Variants in SPTBN5 observed in about 807,000 individuals in gnomAD.
The protein encoded by SPTBN5 is spectrin beta chain, non-erythrocytic 5.
Under a neutral mutation model 477.6 loss-of-function variants are expected in SPTBN5, and 513 were observed. The observed-to-expected ratio is 1.07, with a 90% CI of 1.00 to 1.16. The LOEUF (loss-of-function observed/expected upper bound fraction) is 1.16, where lower values mean the gene tolerates loss of function less well. Among genes scored for constraint, SPTBN5 ranks in the 50% most tolerant of loss-of-function variants. SPTBN5 has a pLI of 0.00. For synonymous variants in SPTBN5, 2,169 were observed against 2,011.7 expected (o/e 1.08, Z -2.09); for missense variants, 5,062 against 4,731.8 (o/e 1.07, Z -2.05).
chr15:41,855,892 A>T, intron 53 of SPTBN5, 147 bp from the exon 54 acceptor site: 1 of 816,198 alleles, frequency 1.2e-6, no homozygotes, highest in Non-Finnish European at 1.9e-6. Flanking sequence ...AAGCAGCCTC[A>T]TCTGGTCCGG....
At position 41,857,223 on chromosome 15, in the gene SPTBN5, C is replaced by T; in HGVS notation, c.8621+15G>A. The T allele has an allele frequency of 6.3e-7, 1 of 1,576,890 alleles. No individual in the cohort carries two copies. Among genetic ancestry groups the T allele is most frequent in the Non-Finnish European group, 8.6e-7 (1 of 1,158,914 alleles). ...GAAGGCAGGGAAGAGAAGCTGAGGG[C>T]ACGGGTGGATCTACCTCTGAAGCAG... On this transcript the variant is annotated intron_variant, in intron 51 of 67. Coordinates refer to ENST00000320955, the MANE Select transcript of SPTBN5 (RefSeq NM_016642.4).
chr15:41,854,630 A>G (rs1307182826), intron 56 of SPTBN5, among the ~76,000 whole-genome samples, 152 bp downstream of exon 56: 2 of 152,136 alleles, frequency 1.3e-5, no homozygotes, highest in East Asian at 1.9e-4. Context: ...AATTCCTGGA[A>G]GAAAGCTGAG....
chr15:41,870,101 C>G, intron 31 of SPTBN5, 81 bp from the exon 32 acceptor site: 3 of 1,450,644 alleles, frequency 2.1e-6, no homozygotes, highest in Non-Finnish European at 2.7e-6. Flanking sequence ...CCTGGGAACT[C>G]TGGCCCCCTT....
At chr15:41,876,039 T>C in intron 21 of SPTBN5, 75 bp downstream of exon 21, 4 of 1,526,234 alleles carry the variant, frequency 2.6e-6, no homozygotes, top group Non-Finnish European at 3.5e-6. Flanking sequence ...GACTCTTCCA[T>C]GAAAACAGGT....
rs370079673 is a variant in SPTBN5 at position 41,879,438 on chromosome 15, C to T, written c.3004G>A (p.Val1002Met). The change falls in exon 16 of 68, where the codon GTG becomes ATG. Residue 1002 changes from valine (V) to methionine (M), a missense_variant. Val to Met is a conservative substitution (Grantham distance 21). Coordinates refer to ENST00000320955, the MANE Select transcript of SPTBN5 (RefSeq NM_016642.4). ...CCACACTCCTGCAGAAAACTGCACA[C>T]TTCCACACTGTGTGCCAGCTGCACG... ...KAVQLAHSVE[V>M]CSFLQECGPT... is the part of the protein sequence containing the mutation. 157 of 1,608,230 alleles carry T rather than the reference C, an allele frequency of 9.8e-5. No individual in the cohort carries two copies. In the African/African-American group the frequency reaches 1.8e-3, roughly 19 times the overall value.
rs772783563 is a variant in SPTBN5, at chr15:41,862,638, C to A, written c.7286G>T (p.Arg2429Leu). ...TGCCTCGGGGCTTCTTTGGCAGAGG[C>A]GGCCCACTTCACGCTCTAGGGACTG... is the stretch of plus-strand genomic sequence containing the variant. The part of the protein sequence containing the change: ...QVESLEREVG[R>L]LCQRSPEAAH... The change falls in exon 43 of 68, where the codon CGC becomes CTC. Residue 2429 changes from arginine to leucine, a missense_variant. By Grantham distance (102) the Arg-to-Leu change is moderately radical (BLOSUM62 -2). Coordinates refer to ENST00000320955, the MANE Select transcript of SPTBN5 (RefSeq NM_016642.4). 6.4e-7 allele frequency: 1 copy of A among 1,554,724 alleles called. No homozygotes were observed.
At chr15:41,868,251 G>C (rs1289459271) in intron 33 of SPTBN5, 33 bp from the exon 34 acceptor site, 2 of 1,576,636 alleles carry the variant, frequency 1.3e-6, no homozygotes, top group Admixed American at 1.8e-5. Flanking sequence ...CCTCAGCTGG[G>C]GAGGGTGGTG....
In SPTBN5 at chr15:41,848,579, T is replaced by C; in HGVS notation, c.*37A>G. On this transcript the variant is annotated 3_prime_UTR_variant, in exon 68 of 68. Coordinates refer to ENST00000320955, the MANE Select transcript of SPTBN5 (RefSeq NM_016642.4). ...CTGGTCCCTTAGATGTGTCCTCGCT[T>C]GTGCCCCTGAAGTTTGGTGTTGCAC... 1 of 1,613,600 alleles carries C rather than the reference T, an allele frequency of 6.2e-7. No individual in the cohort carries two copies. The highest frequency in any genetic ancestry group is 8.5e-7 in the Non-Finnish European group (1 of 1,179,512).
At chr15:41,878,060 G>C (rs2066806670) in intron 17 of SPTBN5, among the ~76,000 whole-genome samples, 1 of 152,166 alleles carries the variant, frequency 6.6e-6, no homozygotes, top group South Asian at 2.1e-4. Flanking sequence ...CAATGCATCG[G>C]GCCCACCTGG....
At position 41,856,469 on chromosome 15, in the gene SPTBN5, C is replaced by A; in HGVS notation, c.8938G>T (p.Ala2980Ser). 14 of 1,597,338 alleles carry A rather than the reference C, an allele frequency of 8.8e-6. No individual in the cohort carries two copies. The highest frequency in any genetic ancestry group is 1.2e-5 in the Non-Finnish European group (14 of 1,173,296). The change falls in exon 53 of 68, where the codon GCC becomes TCC. Residue 2980 changes from alanine (A) to serine (S), a missense_variant. Ala to Ser is a moderately conservative substitution (Grantham distance 99, BLOSUM62 1). Coordinates refer to ENST00000320955, the MANE Select transcript of SPTBN5 (RefSeq NM_016642.4). ...GCCTCTGCCCGCAGGTGGGCCATGGCCTTCTCCAGCTGCTGCACCCGGGCG... is the reference window on the plus strand; with the variant it reads ...GCCTCTGCCCGCAGGTGGGCCATGGACTTCTCCAGCTGCTGCACCCGGGCG... The part of the protein sequence containing the change: ...VAARVQQLEK[A>S]MAHLRAEAAR...
In SPTBN5 at chr15:41,879,462, C is replaced by G; in HGVS notation, c.2980G>C (p.Val994Leu). 3 of 1,593,498 alleles carry G rather than the reference C, an allele frequency of 1.9e-6. No homozygotes were observed. Among genetic ancestry groups the G allele is most frequent in the Non-Finnish European group, 2.6e-6 (3 of 1,172,010 alleles). ...QLEALKREKA[V>L]QLAHSVEVCS... ...ACTTCCACACTGTGTGCCAGCTGCA[C>G]GGCCTTCTCCCTCTTCAGGGCCTCC... The change falls in exon 16 of 68, where the codon GTG becomes CTG. Residue 994 changes from valine (V) to leucine (L), a missense_variant. Val to Leu is a conservative substitution (Grantham distance 32). Transcript: ENST00000320955.
chr15:41,864,085 C>A, intron 39 of SPTBN5, 61 bp from the exon 40 acceptor site: 1 of 1,430,832 alleles, frequency 7.0e-7, no homozygotes. Flanking sequence ...TTCTTCCCAC[C>A]TCAGCAGGCA....
chr15:41,882,263 C>T lies in SPTBN5; in HGVS notation c.2247+6G>A, dbSNP rs1016816897. On this transcript the variant is annotated splice_donor_region_variant and intron_variant, in intron 11 of 67. Transcript: ENST00000320955. ...CCCCCACCCCGCCTCCACCCCTCCC[C>T]ACTACCTGCAGGACCAGCAGGGCTG... The T allele has an allele frequency of 6.8e-6, 10 of 1,472,828 alleles. No homozygotes were observed. The highest frequency in any genetic ancestry group is 5.2e-5 in the East Asian group (2 of 38,224). 91.2% of individuals were successfully genotyped at this position (1,472,828 alleles called of 1,614,324 possible). A position where few individuals can be genotyped will look rare whatever the true frequency, so the allele number is the denominator to read the frequency against.
intron 7 of SPTBN5, among the ~76,000 whole-genome samples, chr15:41,884,111 G>A (rs1464999668): frequency 2.0e-5 from 3 of 152,074 alleles, no homozygotes; most frequent in Admixed American, 1.3e-4. Flanking sequence ...TCAGCATCCC[G>A]AGTAGCTGGG....
chr15:41,862,050 A>C, intron 44 of SPTBN5, 80 bp downstream of exon 44: 1 of 1,497,598 alleles, frequency 6.7e-7, no homozygotes, highest in Admixed American at 2.3e-5. Flanking sequence ...CAGGAGGCCC[A>C]AGAGCAAGGA....
chr15:41,856,359 C>T, intron 53 of SPTBN5, 27 bp downstream of exon 53: 1 of 1,528,772 alleles, frequency 6.5e-7, no homozygotes, highest in East Asian at 2.4e-5. Flanking sequence ...GGCTTGCCTG[C>T]TGTGCCCTGC....
In SPTBN5 at chr15:41,862,120, G is replaced by A. The variant is rs777424076; in HGVS notation, c.7548+10C>T. ...AGCCTGGGAAAGGCTTGGGCCAGCT[G>A]CCCATTCACCTTGCACTCCTGATGC... On this transcript the variant is annotated intron_variant, in intron 44 of 67. Coordinates refer to ENST00000320955, the MANE Select transcript of SPTBN5 (RefSeq NM_016642.4). The A allele has an allele frequency of 1.2e-5, 19 of 1,554,026 alleles. No individual in the cohort carries two copies. Among genetic ancestry groups the A allele is most frequent in the Admixed American group, 9.5e-5 (5 of 52,828 alleles).
chr15:41,867,489 C>T, intron 35 of SPTBN5, 49 bp downstream of exon 35: 6 of 1,571,392 alleles, frequency 3.8e-6, no homozygotes, highest in East Asian at 2.2e-5. Flanking sequence ...TCAGGACTCT[C>T]TCCCAACCAC....
Position 41,870,571 on chromosome 15 carries a change from C to T in SPTBN5, c.5448-11G>A, listed in dbSNP as rs770648089. ...TCCGACCAGGCGGTCCTGCCCACGG[C>T]GTGTGGAAGACCAGCCGGGGATCAG... On this transcript the variant is annotated splice_polypyrimidine_tract_variant and intron_variant, in intron 29 of 67. Coordinates refer to ENST00000320955, the MANE Select transcript of SPTBN5 (RefSeq NM_016642.4). 32 of 1,601,140 alleles carry T rather than the reference C, an allele frequency of 2.0e-5. No homozygotes were observed. The Middle Eastern group carries it at 6.6e-4, about 33-fold the overall frequency.
Sources: gnomAD v4.1 joint callset for allele counts (sites outside exome capture counted in the v4.1 genomes callset) on GRCh38, gnomAD v4.1.1 for gene constraint, MANE v1.5 for transcripts, NCBI Gene and HGNC (gene_info 2026-07-23, HGNC 2026-07-21) for gene names.